Variants in DLG2 observed in about 807,000 individuals in gnomAD.
DLG2 encodes discs large MAGUK scaffold protein 2.
In DLG2, 45 loss-of-function variants were observed where a neutral mutation model predicts 132.5. That is an observed-to-expected ratio of 0.34 (90% CI 0.27 to 0.44). The LOEUF (loss-of-function observed/expected upper bound fraction) is 0.44. Ranked by LOEUF, DLG2 falls within the 20% of genes least tolerant of loss-of-function variation. The pLI is 1.00. For synonymous variants in DLG2, 424 were observed against 419.6 expected (o/e 1.01, Z -0.13); for missense variants, 1,045 against 1,196.9 (o/e 0.87, Z 1.87).
At chr11:85,001,047 C>G (rs948909507) in intron 6 of DLG2, among the ~76,000 whole-genome samples, 27 of 152,052 alleles carry the variant, frequency 1.8e-4, no homozygotes, top group African/African-American at 6.5e-4. Flanking sequence ...TAATACAAGA[C>G]AGCAAGAAGA....
In DLG2 at chr11:84,142,551, C is replaced by A. The variant is rs192738864; in HGVS notation, c.624+20910G>T. On this transcript the variant is annotated intron_variant, in intron 9 of 27. Coordinates refer to ENST00000376104, the MANE Select transcript of DLG2 (RefSeq NM_001142699.3). ...AACATTGCCTCTGGTGTGTCTGTGA[C>A]GGCAGCTCTGGAATAGATTAGCATT... is the stretch of plus-strand genomic sequence containing the variant. Among the ~76,000 whole-genome samples the A allele has an allele frequency of 7.4e-4, 112 of 152,116 alleles. 1 individual carries two copies. Among genetic ancestry groups the A allele is most frequent in the Non-Finnish European group, 1.3e-3 (86 of 67,986 alleles).
At chr11:85,513,438 A>G (rs1352883315) in intron 3 of DLG2, among the ~76,000 whole-genome samples, 1 of 152,058 alleles carries the variant, frequency 6.6e-6, no homozygotes, top group Non-Finnish European at 1.5e-5. Flanking sequence ...TTGTACTTCA[A>G]GAGACAAATT....
chr11:84,550,149 C>CAT (rs1252800132), intron 6 of DLG2, among the ~76,000 whole-genome samples: 1 of 149,208 alleles, frequency 6.7e-6, no homozygotes, highest in African/African-American at 2.5e-5. Flanking sequence ...CACACACACA[C>CAT]ATACACACAC....
intron 7 of DLG2, among the ~76,000 whole-genome samples, chr11:84,264,028 T>G (rs1260132966): frequency 6.6e-6 from 1 of 152,132 alleles, no homozygotes. Flanking sequence ...GAATCTCCCC[T>G]CAACCCATTT....
At chr11:85,188,008 CTG>C (rs2080249237) in intron 4 of DLG2, among the ~76,000 whole-genome samples, 1 of 152,122 alleles carries the variant, frequency 6.6e-6, no homozygotes, top group African/African-American at 2.4e-5. Flanking sequence ...AGTCTTAAAA[CTG>C]TTCAGGAGAG....
At chr11:85,266,571 C>A (rs1286607048) in intron 4 of DLG2, among the ~76,000 whole-genome samples, 16 of 151,752 alleles carry the variant, frequency 1.1e-4, no homozygotes, top group Non-Finnish European at 1.5e-5. Flanking sequence ...AACAATCCTG[C>A]ATGTTCTGCA....
chr11:83,807,208 A>AT (rs1283961583), intron 17 of DLG2, among the ~76,000 whole-genome samples: 1 of 152,204 alleles, frequency 6.6e-6, no homozygotes, highest in African/African-American at 2.4e-5. Context: ...TCTGAAGCAT[A>AT]TATCAAGACT....
intron 6 of DLG2, among the ~76,000 whole-genome samples, chr11:85,023,923 A>G (rs1243688987): frequency 6.6e-6 from 1 of 152,198 alleles, no homozygotes; most frequent in Non-Finnish European, 1.5e-5. Context: ...GTAAACAAAT[A>G]AAGCCAAAAT....
At chr11:84,530,214 C>A (rs2099332421) in intron 7 of DLG2, among the ~76,000 whole-genome samples, 1 of 152,136 alleles carries the variant, frequency 6.6e-6, no homozygotes, top group Non-Finnish European at 1.5e-5. Flanking sequence ...TTAGGAAATA[C>A]TATTCTGGAA....
intron 6 of DLG2, among the ~76,000 whole-genome samples, chr11:84,697,202 T>C (rs1047275184): frequency 6.6e-6 from 1 of 151,524 alleles, no homozygotes; most frequent in Admixed American, 6.6e-5. Context: ...TAAGGAACTA[T>C]TGCTGGAAAA....
At chr11:85,261,180 G>A (rs2076920930) in intron 4 of DLG2, among the ~76,000 whole-genome samples, 1 of 152,148 alleles carries the variant, frequency 6.6e-6, no homozygotes, top group Non-Finnish European at 1.5e-5. Flanking sequence ...GCAGGGGCTG[G>A]AGGGAAGTTT....
intron 18 of DLG2, among the ~76,000 whole-genome samples, chr11:83,658,057 C>G (rs185087148): frequency 1.6e-4 from 24 of 152,300 alleles, no homozygotes; most frequent in African/African-American, 5.3e-4. Flanking sequence ...TATGGGCATA[C>G]CAGAGCTAAA....
At chr11:85,301,090 G>C (rs1425019990) in intron 3 of DLG2, among the ~76,000 whole-genome samples, 1 of 151,964 alleles carries the variant, frequency 6.6e-6, no homozygotes, top group Non-Finnish European at 1.5e-5. Flanking sequence ...GATCCCAGCT[G>C]CTCAGCAGGC....
chr11:85,253,923 C>G (rs1399516164), intron 4 of DLG2, among the ~76,000 whole-genome samples: 1 of 152,172 alleles, frequency 6.6e-6, no homozygotes, highest in Non-Finnish European at 1.5e-5. Flanking sequence ...ATCTGTCCCT[C>G]TGAAGTCAAG....
At chr11:84,401,789 T>A (rs1424984385) in intron 7 of DLG2, among the ~76,000 whole-genome samples, 2 of 152,170 alleles carry the variant, frequency 1.3e-5, no homozygotes, top group African/African-American at 4.8e-5. Context: ...TTCATGCCAT[T>A]CTCTTGCCTC....
chr11:84,674,537 T>C (rs79479613), intron 6 of DLG2, among the ~76,000 whole-genome samples: 12,183 of 152,116 alleles, frequency 0.08, 649 homozygotes, highest in Middle Eastern at 0.13. Flanking sequence ...TATTAACTTA[T>C]AGAACTGAAT....
intron 3 of DLG2, among the ~76,000 whole-genome samples, chr11:85,529,179 G>A (rs1175281785): frequency 1.3e-5 from 2 of 152,138 alleles, no homozygotes; most frequent in Non-Finnish European, 2.9e-5. Flanking sequence ...CCTGCTTTGA[G>A]AAATGTAGGA....
At chr11:84,782,797 C>T (rs2072069512) in intron 6 of DLG2, among the ~76,000 whole-genome samples, 2 of 152,248 alleles carry the variant, frequency 1.3e-5, no homozygotes, top group South Asian at 4.1e-4. Flanking sequence ...CACTTACAGT[C>T]CTACATGGTC....
intron 6 of DLG2, among the ~76,000 whole-genome samples, chr11:84,650,871 G>GTATATATA (rs1398321637): frequency 1.6e-5 from 2 of 124,642 alleles, no homozygotes; most frequent in African/African-American, 7.0e-5. Context: ...GTGTGTGTGT[G>GTATATATA]TGTATATATA....
Sources: allele counts gnomAD v4.1 joint callset (sites outside exome capture counted in the v4.1 genomes callset), GRCh38; gene constraint gnomAD v4.1.1; transcripts MANE v1.5; gene names NCBI Gene and HGNC (gene_info 2026-07-23, HGNC 2026-07-21).